TOMM20: variants seen among roughly 807,000 people sequenced by gnomAD.
TOMM20 encodes the protein mitochondrial import receptor subunit TOM20 homolog.
TOMM20 carries 10 observed loss-of-function variants against 22.1 expected under a neutral mutation model. The ratio of observed to expected loss-of-function variants is 0.45; its 90% CI spans 0.28 to 0.77. TOMM20 has a LOEUF of 0.77. Ranked by LOEUF, TOMM20 falls within the 30% of genes least tolerant of loss-of-function variation. The pLI, the probability that TOMM20 is intolerant of heterozygous loss-of-function variation, is 0.13. For synonymous variants in TOMM20, 55 were observed against 61.4 expected (o/e 0.90, Z 0.49); for missense variants, 121 against 172.2 (o/e 0.70, Z 1.66).
rs562972473 is a variant in TOMM20 at position 235,113,658 on chromosome 1, T to A, written c.393+110A>T. 59 of 1,375,164 alleles carry A rather than the reference T, an allele frequency of 4.3e-5. No individual in the cohort carries two copies. The African/African-American group carries it at 8.3e-4, about 19-fold the overall frequency. The allele number at this position is 1,375,164 out of a possible 1,614,324, so 85.2% of individuals were successfully genotyped here. A position where few individuals can be genotyped will look rare whatever the true frequency, so the allele number is the denominator to read the frequency against. On this transcript the variant is annotated intron_variant, in intron 4 of 4. Transcript: ENST00000366607. ...CTGATATCTCCCATATTGTTTTCAT[T>A]ATACAGATAAGTTTATTTCATCATG...
chr1:235,118,906 C>G (rs1212008522), intron 3 of TOMM20, among the ~76,000 whole-genome samples: 2 of 152,172 alleles, frequency 1.3e-5, no homozygotes, highest in African/African-American at 4.8e-5. Flanking sequence ...TTGAGCAATT[C>G]TATTGATATC....
chr1:235,116,307 G>A (rs1388124261), intron 3 of TOMM20, among the ~76,000 whole-genome samples: 2 of 151,900 alleles, frequency 1.3e-5, no homozygotes, highest in African/African-American at 4.8e-5. Flanking sequence ...TTGGGAGGCT[G>A]AGGTGGGTGG....
chr1:235,128,811 A>C lies in TOMM20; in HGVS notation c.-96T>G, dbSNP rs994758302. On this transcript the variant is annotated 5_prime_UTR_variant, in exon 1 of 5. Coordinates refer to ENST00000366607, the MANE Select transcript of TOMM20 (RefSeq NM_014765.3). ...GAGCGGTCGGCGCAGCTCACACCCG[A>C]CGGCCGCGGGCCAGGAACACAGAAA... 3 of 1,562,282 alleles carry C rather than the reference A, an allele frequency of 1.9e-6. No individual in the cohort carries two copies. The African/African-American group carries it at 4.1e-5, about 21-fold the overall frequency.
intron 3 of TOMM20, among the ~76,000 whole-genome samples, chr1:235,114,241 C>T (rs1660789435): frequency 6.6e-6 from 1 of 151,970 alleles, no homozygotes; most frequent in Admixed American, 6.6e-5. Context: ...TTCTGTAACA[C>T]AGAACTAAAA....
Position 235,128,576 on chromosome 1 carries a change from G to C in TOMM20, c.121+19C>G. ...GCCGAAGGCAGCAAGCCTGGCCAGG[G>C]GAGAGAGGACCCACTCACGTTCTCG... On this transcript the variant is annotated intron_variant, in intron 1 of 4. Coordinates refer to ENST00000366607, the MANE Select transcript of TOMM20 (RefSeq NM_014765.3). 1.9e-6 allele frequency: 3 copies of C among 1,611,912 alleles called. No individual in the cohort carries two copies. Among genetic ancestry groups the C allele is most frequent in the Non-Finnish European group, 2.5e-6 (3 of 1,179,804 alleles).
chr1:235,113,668 A>AACTTACCT, intron 4 of TOMM20, 100 bp downstream of exon 4: 1 of 1,416,936 alleles, frequency 7.1e-7, no homozygotes, highest in Non-Finnish European at 9.5e-7. Context: ...TATACAGATA[A>AACTTACCT]GTTTATTTCA....
At chr1:235,115,941 T>C (rs541855236) in intron 3 of TOMM20, among the ~76,000 whole-genome samples, 2 of 152,330 alleles carry the variant, frequency 1.3e-5, no homozygotes, top group African/African-American at 4.8e-5. Context: ...GTCCCCTTTC[T>C]GCATTGCCAT....
At chr1:235,121,518 T>C (rs951486216) in intron 2 of TOMM20, among the ~76,000 whole-genome samples, 1 of 152,234 alleles carries the variant, frequency 6.6e-6, no homozygotes, top group African/African-American at 2.4e-5. Context: ...TCCTCCCATT[T>C]TCACTTCACT....
rs1444504068 is a variant in TOMM20, at chr1:235,110,611, T to C, written c.*1453A>G. 8 of 152,138 alleles carry C rather than the reference T, an allele frequency of 5.3e-5. No homozygotes were observed. Among genetic ancestry groups the C allele is most frequent in the Non-Finnish European group, 1.2e-4 (8 of 68,048 alleles). 9.4% of individuals were successfully genotyped at this position (152,138 alleles called of 1,614,324 possible). ...AGTAGAGGTAAGTTCAAAGATGAAA[T>C]GTGATTTGTTCAAGGCTGTGCGGCT... On this transcript the variant is annotated 3_prime_UTR_variant, in exon 5 of 5. Transcript: ENST00000366607.
intron 2 of TOMM20, among the ~76,000 whole-genome samples, chr1:235,121,377 A>G (rs1660928840): frequency 6.6e-6 from 1 of 152,218 alleles, no homozygotes; most frequent in Admixed American, 6.5e-5. Flanking sequence ...CTATTCTTGA[A>G]TCTAAAAATA....
chr1:235,116,401 T>C (rs981969612), intron 3 of TOMM20, among the ~76,000 whole-genome samples: 1 of 151,974 alleles, frequency 6.6e-6, no homozygotes, highest in Non-Finnish European at 1.5e-5. Flanking sequence ...TAGCTGAGCA[T>C]GGTAGCACGT....
In TOMM20 at chr1:235,111,648, A is replaced by C. The variant is rs1043896465; in HGVS notation, c.*416T>G. ...TTCACAAACACAGTCAAGTCTATCA[A>C]ATTTCCAGATTTACAGCAAAATGTG... On this transcript the variant is annotated 3_prime_UTR_variant, in exon 5 of 5. Coordinates refer to ENST00000366607, the MANE Select transcript of TOMM20 (RefSeq NM_014765.3). 6 of 161,382 alleles carry C rather than the reference A, an allele frequency of 3.7e-5. No homozygotes were observed. Among genetic ancestry groups the C allele is most frequent in the African/African-American group, 1.4e-4 (6 of 41,506 alleles). 10.0% of individuals were successfully genotyped at this position (161,382 alleles called of 1,614,324 possible). A position where few individuals can be genotyped will look rare whatever the true frequency, so the allele number is the denominator to read the frequency against.
At chr1:235,114,254 C>G (rs1350392962) in intron 3 of TOMM20, among the ~76,000 whole-genome samples, 1 of 151,986 alleles carries the variant, frequency 6.6e-6, no homozygotes, top group Non-Finnish European at 1.5e-5. Context: ...AACTAAAAGA[C>G]TGGGGACTGG....
chr1:235,114,707 G>T (rs1218613556), intron 3 of TOMM20, among the ~76,000 whole-genome samples: 1 of 151,948 alleles, frequency 6.6e-6, no homozygotes, highest in Non-Finnish European at 1.5e-5. Flanking sequence ...AAAGTGCTGG[G>T]ATTACAGGTG....
chr1:235,122,145 T>TA (rs1012486616), intron 2 of TOMM20, among the ~76,000 whole-genome samples, 181 bp downstream of exon 2: 3 of 152,224 alleles, frequency 2.0e-5, no homozygotes, highest in Non-Finnish European at 4.4e-5. Flanking sequence ...AAGGACTCGA[T>TA]AACTGTCATT....
At chr1:235,114,439 CTTT>C (rs67573955) in intron 3 of TOMM20, among the ~76,000 whole-genome samples, 5 of 131,580 alleles carry the variant, frequency 3.8e-5, no homozygotes, top group Non-Finnish European at 4.8e-5. Flanking sequence ...CTTATTTTTT[CTTT>C]TTTTTTTTTT....
chr1:235,120,931 G>T (rs962727069), intron 2 of TOMM20, among the ~76,000 whole-genome samples: 5 of 151,622 alleles, frequency 3.3e-5, no homozygotes, highest in Non-Finnish European at 5.9e-5. Context: ...GCTGGGTGCG[G>T]TGGCTCATGC....
At chr1:235,126,979 GA>G (rs372373273) in intron 1 of TOMM20, among the ~76,000 whole-genome samples, 2 of 152,160 alleles carry the variant, frequency 1.3e-5, no homozygotes, top group Non-Finnish European at 2.9e-5. Flanking sequence ...GCTAAATCCA[GA>G]AAAAACAATT....
At chr1:235,112,992 G>C (rs1424001983) in intron 4 of TOMM20, among the ~76,000 whole-genome samples, 3 of 152,190 alleles carry the variant, frequency 2.0e-5, no homozygotes, top group Non-Finnish European at 2.9e-5. Flanking sequence ...TTCTAATTCA[G>C]TTGAGTAAAA....
Sources: allele counts gnomAD v4.1 joint callset (sites outside exome capture counted in the v4.1 genomes callset), GRCh38; gene constraint gnomAD v4.1.1; transcripts MANE v1.5; gene names NCBI Gene and HGNC (gene_info 2026-07-23, HGNC 2026-07-21).